Variants in CFDP1 observed in about 807,000 individuals in gnomAD.
CFDP1 encodes the protein heterochromatin-stabilizing protein CFDP1.
A neutral mutation model predicts 40.1 loss-of-function variants in CFDP1; 31 were observed. That is an observed-to-expected ratio of 0.77 (90% CI 0.58 to 1.04). The LOEUF (loss-of-function observed/expected upper bound fraction) is 1.04. Among genes scored for constraint, CFDP1 ranks in the 50% least tolerant of loss-of-function variants. CFDP1 has a pLI of 0.00. For missense variants in CFDP1, 423 were observed against 343.4 expected (o/e 1.23, Z -1.83); for synonymous variants, 167 against 120.0 (o/e 1.39, Z -2.56).
At chr16:75,393,844 G>T (rs1318372448) in intron 5 of CFDP1, among the ~76,000 whole-genome samples, 1 of 150,932 alleles carries the variant, frequency 6.6e-6, no homozygotes. Flanking sequence ...CAGATCACGA[G>T]GTCAGGAGAT....
intron 5 of CFDP1, among the ~76,000 whole-genome samples, chr16:75,343,256 T>C (rs1400621285): frequency 6.6e-6 from 1 of 152,080 alleles, no homozygotes; most frequent in Non-Finnish European, 1.5e-5. Context: ...ACATTTTAGC[T>C]CTTTAGAGAA....
chr16:75,319,688 C>T (rs2078348849), intron 5 of CFDP1, among the ~76,000 whole-genome samples: 1 of 152,130 alleles, frequency 6.6e-6, no homozygotes, highest in Admixed American at 6.5e-5. Context: ...GCCCCTCTTC[C>T]TCCAGAGGCA....
chr16:75,390,908 C>G (rs1272700184), intron 5 of CFDP1, among the ~76,000 whole-genome samples: 1 of 152,178 alleles, frequency 6.6e-6, no homozygotes, highest in Non-Finnish European at 1.5e-5. Flanking sequence ...TATTTGTATC[C>G]CTGTGGTTTT....
chr16:75,316,485 G>A (rs1173933671), intron 5 of CFDP1, among the ~76,000 whole-genome samples: 8 of 146,276 alleles, frequency 5.5e-5, no homozygotes, highest in African/African-American at 1.8e-4. Context: ...AGGGAGGATC[G>A]CTTACGCCTA....
At chr16:75,318,592 G>GA (rs1597327871) in intron 5 of CFDP1, among the ~76,000 whole-genome samples, 2 of 152,088 alleles carry the variant, frequency 1.3e-5, no homozygotes, top group East Asian at 3.9e-4. Flanking sequence ...TTTTAGTAGA[G>GA]ACTGGGTTTC....
intron 5 of CFDP1, among the ~76,000 whole-genome samples, chr16:75,328,281 A>G (rs1240765784): frequency 1.3e-5 from 2 of 149,334 alleles, no homozygotes; most frequent in African/African-American, 2.5e-5. Flanking sequence ...AGGAATTAGT[A>G]TGTTTTAAAA....
intron 6 of CFDP1, among the ~76,000 whole-genome samples, chr16:75,299,644 G>T (rs2078208806): frequency 1.3e-5 from 2 of 152,036 alleles, no homozygotes; most frequent in Middle Eastern, 3.4e-3. Context: ...CAAAAGCCAT[G>T]ACTATCTGCT....
At chr16:75,306,872 C>T (rs76201547) in intron 5 of CFDP1, among the ~76,000 whole-genome samples, 2,336 of 147,398 alleles carry the variant, frequency 0.016, 57 homozygotes, top group African/African-American at 0.056. Flanking sequence ...CATATGTGCG[C>T]GTGATCACAC....
intron 1 of CFDP1, among the ~76,000 whole-genome samples, chr16:75,415,420 T>C (rs1386602292): frequency 6.6e-6 from 1 of 152,196 alleles, no homozygotes; most frequent in Non-Finnish European, 1.5e-5. Flanking sequence ...TACAGTTCAA[T>C]GGAATGACAC....
chr16:75,329,562 A>G (rs1296876852), intron 5 of CFDP1, among the ~76,000 whole-genome samples: 1 of 152,116 alleles, frequency 6.6e-6, no homozygotes, highest in Non-Finnish European at 1.5e-5. Context: ...GCATGATCAT[A>G]ACTCATGGCA....
intron 5 of CFDP1, chr16:75,394,754 T>C (rs1403682884): frequency 6.6e-6 from 1 of 150,540 alleles, no homozygotes; most frequent in Non-Finnish European, 1.4e-5. Context: ...GCCTCAACCT[T>C]CTGGGCTCAA....
At chr16:75,424,003 TAA>T (rs553321969) in intron 1 of CFDP1, among the ~76,000 whole-genome samples, 3 of 152,046 alleles carry the variant, frequency 2.0e-5, no homozygotes, top group Non-Finnish European at 2.9e-5. Flanking sequence ...CTCCCAGAAA[TAA>T]GTCTGTCAGA....
At chr16:75,382,511 G>C (rs1321586759) in intron 5 of CFDP1, among the ~76,000 whole-genome samples, 1 of 152,170 alleles carries the variant, frequency 6.6e-6, no homozygotes, top group African/African-American at 2.4e-5. Context: ...AGGAAAGCTG[G>C]TTTCACCACC....
intron 4 of CFDP1, among the ~76,000 whole-genome samples, chr16:75,411,173 G>A (rs924000124): frequency 1.3e-4 from 20 of 151,824 alleles, no homozygotes; most frequent in Non-Finnish European, 2.2e-4. Flanking sequence ...AGCCGAGATC[G>A]CACCCTGTAC....
chr16:75,294,121 T>A, intron 6 of CFDP1, 79 bp from the exon 7 acceptor site: 1 of 1,055,534 alleles, frequency 9.5e-7, no homozygotes, highest in South Asian at 1.3e-5. Context: ...CCCCCAGGGA[T>A]AAACTAAGTT....
At chr16:75,301,127 A>G (rs1597317260) in intron 6 of CFDP1, among the ~76,000 whole-genome samples, 2 of 152,200 alleles carry the variant, frequency 1.3e-5, no homozygotes, top group East Asian at 3.8e-4. Context: ...ACTCATGGAA[A>G]AGGGAGAAGA....
chr16:75,397,365 G>A (rs11864587), intron 4 of CFDP1, among the ~76,000 whole-genome samples: 78,707 of 149,600 alleles, frequency 0.53, 21,508 homozygotes, highest in Admixed American at 0.65. Context: ...AAATACAAAA[G>A]TTAACTGAGT....
At chr16:75,353,531 G>A (rs1456266282) in intron 5 of CFDP1, among the ~76,000 whole-genome samples, 2 of 152,044 alleles carry the variant, frequency 1.3e-5, no homozygotes, top group African/African-American at 4.8e-5. Context: ...GGAGGCCGAG[G>A]CGGGCAGATC....
At position 75,293,833 on chromosome 16, in the gene CFDP1, G is replaced by GA. The variant is rs149574560; in HGVS notation, c.*118dup. On this transcript the variant is annotated 3_prime_UTR_variant, in exon 7 of 7. Transcript: ENST00000283882. ...GATACATAGACAGAACTTCAATGTAGAAAAAAAAAAGACCTTGCTGGGAAA... is the reference window on the plus strand; with the variant it reads ...GATACATAGACAGAACTTCAATGTAGAAAAAAAAAAAGACCTTGCTGGGAAA... 10,723 of 629,744 alleles carry GA rather than the reference G, an allele frequency of 0.017. 1 individual carries two copies. Among genetic ancestry groups the GA allele is most frequent in the South Asian group, 0.025 (1,130 of 44,766 alleles). The allele number at this position is 629,744 out of a possible 1,614,324, so 39.0% of individuals were successfully genotyped here. A position where few individuals can be genotyped will look rare whatever the true frequency, so the allele number is the denominator to read the frequency against.
Sources: allele counts gnomAD v4.1 joint callset (sites outside exome capture counted in the v4.1 genomes callset), GRCh38; gene constraint gnomAD v4.1.1; transcripts MANE v1.5; gene names NCBI Gene and HGNC (gene_info 2026-07-23, HGNC 2026-07-21).